Variants in CACNA1C observed in about 807,000 individuals in gnomAD.
CACNA1C encodes the protein calcium voltage-gated channel subunit alpha1 C.
A neutral mutation model predicts 229.0 loss-of-function variants in CACNA1C; 30 were observed. That is an observed-to-expected ratio of 0.13 (90% CI 0.10 to 0.18). The LOEUF is 0.18. CACNA1C is among the 10% of genes least tolerant of loss of function. The probability of loss-of-function intolerance (pLI) is 1.00; values close to 1 mark genes in which losing one functional copy is unlikely to be tolerated. For synonymous variants in CACNA1C, 1,114 were observed against 1,132.5 expected, an observed-to-expected ratio of 0.98 and a Z score of 0.33; for missense variants, 1,658 against 2,845.0, an observed-to-expected ratio of 0.58 and a Z score of 9.49.
chr12:2,244,221 T>C (rs1406607922), intron 3 of CACNA1C, among the ~76,000 whole-genome samples: 1 of 152,230 alleles, frequency 6.6e-6, no homozygotes, highest in East Asian at 1.9e-4. Context: ...ACAGCCTTCA[T>C]TAATTTCATT....
At chr12:2,004,027 C>T (rs898150824) in intron 1 of CACNA1C, among the ~76,000 whole-genome samples, 2 of 152,166 alleles carry the variant, frequency 1.3e-5, no homozygotes, top group South Asian at 2.1e-4. Flanking sequence ...CGTACCCGAT[C>T]GGTCTGGTCT....
intron 3 of CACNA1C, among the ~76,000 whole-genome samples, chr12:2,189,961 T>G (rs1309672951): frequency 3.3e-5 from 5 of 152,224 alleles, no homozygotes; most frequent in African/African-American, 1.2e-4. Flanking sequence ...TGGGTACCAG[T>G]GCTTCTTACA....
intron 5 of CACNA1C, among the ~76,000 whole-genome samples, chr12:2,483,511 T>C (rs1175406511): frequency 2.6e-5 from 4 of 152,238 alleles, no homozygotes; most frequent in African/African-American, 9.6e-5. Flanking sequence ...ATTGCTTTTT[T>C]CTTCTTCCCT....
chr12:2,235,330 A>G (rs1462748071), intron 3 of CACNA1C, among the ~76,000 whole-genome samples: 2 of 152,200 alleles, frequency 1.3e-5, no homozygotes, highest in Non-Finnish European at 2.9e-5. Flanking sequence ...CAGGAAAGCC[A>G]TTCAGCCGGG....
At chr12:2,631,899 C>T (rs895966220) in intron 29 of CACNA1C, among the ~76,000 whole-genome samples, 1 of 152,192 alleles carries the variant, frequency 6.6e-6, no homozygotes, top group Non-Finnish European at 1.5e-5. Flanking sequence ...TTCGGTCCCT[C>T]TGGAAAGAGG....
At chr12:2,387,143 C>T (rs887926672) in intron 3 of CACNA1C, among the ~76,000 whole-genome samples, 1 of 152,180 alleles carries the variant, frequency 6.6e-6, no homozygotes, top group Non-Finnish European at 1.5e-5. Flanking sequence ...CAGGGGAGGG[C>T]ACTTTCTTCA....
chr12:2,194,538 G>C (rs959224629), intron 3 of CACNA1C, among the ~76,000 whole-genome samples: 1 of 152,072 alleles, frequency 6.6e-6, no homozygotes, highest in African/African-American at 2.4e-5. Context: ...TCTGCCAAAT[G>C]TTTTTCATTG....
chr12:1,977,911 A>G (rs2034928061), intron 1 of CACNA1C, among the ~76,000 whole-genome samples: 1 of 152,222 alleles, frequency 6.6e-6, no homozygotes, highest in Non-Finnish European at 1.5e-5. Context: ...GATGTTCTAT[A>G]ATAGCCACCA....
At chr12:2,298,331 G>A (rs187735358) in intron 3 of CACNA1C, among the ~76,000 whole-genome samples, 54 of 151,836 alleles carry the variant, frequency 3.6e-4, no homozygotes, top group Middle Eastern at 3.4e-3. Context: ...ACAGAGTCTC[G>A]CTCTGTTGCC....
intron 3 of CACNA1C, among the ~76,000 whole-genome samples, chr12:2,301,414 C>T (rs1809144437): frequency 6.6e-6 from 1 of 152,100 alleles, no homozygotes; most frequent in South Asian, 2.1e-4. Context: ...AGAGGCAGGG[C>T]AGAATTTCGC....
intron 3 of CACNA1C, among the ~76,000 whole-genome samples, chr12:2,232,374 T>C (rs970120490): frequency 6.6e-6 from 1 of 152,162 alleles, no homozygotes; most frequent in East Asian, 1.9e-4. Flanking sequence ...ATGGAGGGTA[T>C]GCATTTGTTG....
At chr12:2,292,458 C>G (rs1591871034) in intron 3 of CACNA1C, among the ~76,000 whole-genome samples, 1 of 152,304 alleles carries the variant, frequency 6.6e-6, no homozygotes, top group East Asian at 1.9e-4. Flanking sequence ...TTTTTCAGCC[C>G]TTTCACATTG....
At chr12:2,217,507 A>G (rs2154345501) in intron 3 of CACNA1C, 1 of 152,382 alleles carries the variant, frequency 6.6e-6, no homozygotes, top group Admixed American at 6.5e-5. Context: ...ACAGAAATGT[A>G]TAAAGGAGAA....
intron 3 of CACNA1C, among the ~76,000 whole-genome samples, chr12:2,169,107 T>C (rs530271942): frequency 5.7e-4 from 87 of 152,264 alleles, no homozygotes; most frequent in African/African-American, 2.0e-3. Flanking sequence ...TCAGGTCCTT[T>C]AGTGCTTGAA....
chr12:2,364,092 C>A (rs919360665), intron 3 of CACNA1C, among the ~76,000 whole-genome samples: 2 of 150,066 alleles, frequency 1.3e-5, no homozygotes, highest in Non-Finnish European at 1.5e-5. Flanking sequence ...CAGCCCCAGA[C>A]CAGCCCCAAG....
rs867097978 is a variant in CACNA1C, at chr12:2,512,891, G to A, written c.1297G>A (p.Asp433Asn). 6.2e-7 allele frequency: 1 copy of A among 1,613,170 alleles called. No individual in the cohort carries two copies. The highest frequency in any genetic ancestry group is 8.5e-7 in the Non-Finnish European group (1 of 1,179,588). The change falls in exon 9 of 47, where the codon GAT (aspartate) becomes AAT (asparagine). Residue 433 changes from aspartate (D) to asparagine (N), a missense_variant. Asp to Asn is a conservative substitution (Grantham distance 23, BLOSUM62 1). Around this residue, in one of 20 missense-constraint regions of CACNA1C, gnomAD observed 149 missense variants for 194.2 expected, o/e 0.77. Coordinates refer to ENST00000399655, the MANE Select transcript of CACNA1C (RefSeq NM_000719.7). This position sits in a 1 kb window ranked among gnomAD's most constrained non-coding sequence, Gnocchi z 4.3. ...GCGGGAGAAGCAGCAGCTAGAAGAGGATCTCAAAGGCTACCTGGATTGGAT... is the reference window on the plus strand; with the variant it reads ...GCGGGAGAAGCAGCAGCTAGAAGAGAATCTCAAAGGCTACCTGGATTGGAT... ...KLREKQQLEE[D>N]LKGYLDWITQ...
At position 2,639,162 on chromosome 12, in the gene CACNA1C, TCTC is replaced by T. The variant is rs949142734; in HGVS notation, c.3912+4785_3912+4787del. 3.9e-5 allele frequency among the ~76,000 whole-genome samples: 6 copies of T among 152,214 alleles called. No homozygotes were observed. The highest frequency in any genetic ancestry group is 1.2e-4 in the African/African-American group (5 of 41,448). ...TATCTGAGCCATGGGCCCCGGCCCT[TCTC>T]CTGCCAATGCATCACCTGGGTCTAA... On this transcript the variant is annotated intron_variant, in intron 30 of 46. Transcript: ENST00000399655. The surrounding 1 kb of genome is among the most constrained non-coding windows in gnomAD (Gnocchi z 4.2).
At chr12:2,143,150 A>G (rs1348795520) in intron 3 of CACNA1C, among the ~76,000 whole-genome samples, 1 of 150,808 alleles carries the variant, frequency 6.6e-6, no homozygotes, top group Non-Finnish European at 1.5e-5. Flanking sequence ...TAAGTTTTGT[A>G]TTTTTAGTAG....
At chr12:2,286,205 C>T (rs2092649222) in intron 3 of CACNA1C, among the ~76,000 whole-genome samples, 1 of 152,192 alleles carries the variant, frequency 6.6e-6, no homozygotes, top group African/African-American at 2.4e-5. Context: ...ACAAGACTGG[C>T]CTGCTTGACC....
Sources: gnomAD v4.1 joint callset for allele counts (sites outside exome capture counted in the v4.1 genomes callset) on GRCh38, gnomAD v4.1.1 for gene constraint, gnomAD v4.1.1 regional missense constraint, Gnocchi (gnomAD v3.1) non-coding constraint, MANE v1.5 for transcripts, NCBI Gene and HGNC (gene_info 2026-07-23, HGNC 2026-07-21) for gene names.